TECTA: variants seen among roughly 807,000 people sequenced by gnomAD.
TECTA encodes tectorin alpha.
A neutral mutation model predicts 216.8 loss-of-function variants in TECTA; 128 were observed. The observed-to-expected ratio is 0.59, with a 90% confidence interval of 0.51 to 0.68. The LOEUF is 0.68. TECTA is among the 30% of genes least tolerant of loss of function. TECTA has a pLI of 0.00. For synonymous variants in TECTA, 1,089 were observed against 1,117.1 expected (o/e 0.97, Z 0.50); for missense variants, 2,551 against 2,786.2 (o/e 0.92, Z 1.90).
intron 7 of TECTA, among the ~76,000 whole-genome samples, chr11:121,124,840 C>T (rs1045653969): frequency 6.6e-6 from 1 of 152,118 alleles, no homozygotes; most frequent in African/African-American, 2.4e-5. Flanking sequence ...CAGCAGTGGA[C>T]CCAGCACACA....
chr11:121,163,619 A>G (rs1363533072), intron 16 of TECTA, among the ~76,000 whole-genome samples: 1 of 152,228 alleles, frequency 6.6e-6, no homozygotes, highest in African/African-American at 2.4e-5. Flanking sequence ...AAGAAGAATA[A>G]GAATACTTTC....
At chr11:121,122,734 T>C (rs974359762) in intron 7 of TECTA, among the ~76,000 whole-genome samples, 2 of 145,364 alleles carry the variant, frequency 1.4e-5, no homozygotes, top group Non-Finnish European at 3.0e-5. Flanking sequence ...GCACCTGTAG[T>C]CCCAGCTACT....
chr11:121,122,771 G>A (rs1176423655), intron 7 of TECTA, among the ~76,000 whole-genome samples: 1 of 151,570 alleles, frequency 6.6e-6, no homozygotes, highest in African/African-American at 2.4e-5. Context: ...GAGGATCACT[G>A]GAGCCAGAGA....
At chr11:121,156,468 C>T (rs1193902804) in intron 13 of TECTA, among the ~76,000 whole-genome samples, 2 of 152,058 alleles carry the variant, frequency 1.3e-5, no homozygotes, top group African/African-American at 4.8e-5. Context: ...CTCAGCCTAC[C>T]GAGTGGCTGG....
chr11:121,137,606 C>T lies in TECTA; in HGVS notation c.3127C>T (p.His1043Tyr). 6.2e-7 allele frequency: 1 copy of T among 1,613,946 alleles called. No homozygotes were observed. Among genetic ancestry groups the T allele is most frequent in the Non-Finnish European group, 8.5e-7 (1 of 1,180,004 alleles). Residue 1043 changes from histidine to tyrosine, a missense_variant, in exon 11 of 24, where the codon CAC becomes TAC. Coordinates refer to ENST00000392793, the MANE Select transcript of TECTA (RefSeq NM_005422.4). ...TGAGTGTGGCTGCAACTTTGAGGGGCACCAACTTGCCACCAATGAGACCTT... is the reference window on the plus strand; with the variant it reads ...TGAGTGTGGCTGCAACTTTGAGGGGTACCAACTTGCCACCAATGAGACCTT... ...RSECGCNFEG[H>Y]QLATNETFWV...
At chr11:121,189,989 G>T (rs1315801464) in intron 23 of TECTA, 109 bp downstream of exon 23, 2 of 832,364 alleles carry the variant, frequency 2.4e-6, no homozygotes, top group Non-Finnish European at 4.1e-6. Flanking sequence ...ACTCTCCCTC[G>T]AAAACTCCAG....
intron 6 of TECTA, among the ~76,000 whole-genome samples, 198 bp from the exon 7 acceptor site, chr11:121,118,108 T>A (rs748403893): frequency 6.6e-6 from 1 of 152,200 alleles, no homozygotes; most frequent in Non-Finnish European, 1.5e-5. Flanking sequence ...ACCACGGAGC[T>A]GCTGAGTGAT....
rs1358104926 is a variant in TECTA at position 121,137,449 on chromosome 11, T to C, written c.2970T>C (p.Phe990=). The C allele has an allele frequency of 3.1e-6, 5 of 1,613,842 alleles. No homozygotes were observed. Among genetic ancestry groups the C allele is most frequent in the South Asian group, 1.1e-5 (1 of 91,084 alleles). Residue 990 remains phenylalanine, a synonymous_variant, in exon 11 of 24, where the codon TTT becomes TTC. Transcript: ENST00000392793. ...CPLECPENSH[F]EECITCTETC... ...TGGAGTGCCCAGAGAACAGCCACTTTGAGGAGTGCATCACATGTACAGAGA... is the reference window on the plus strand; with the variant it reads ...TGGAGTGCCCAGAGAACAGCCACTTCGAGGAGTGCATCACATGTACAGAGA...
intron 11 of TECTA, among the ~76,000 whole-genome samples, chr11:121,140,592 G>A (rs1565527877): frequency 6.6e-6 from 1 of 152,208 alleles, no homozygotes; most frequent in Non-Finnish European, 1.5e-5. Context: ...GTTCTGGAGG[G>A]TGTAAGTCCA....
At position 121,125,407 on chromosome 11, in the gene TECTA, G is replaced by C; in HGVS notation, c.1309G>C (p.Val437Leu). The change falls in exon 8 of 24, where the codon GTG becomes CTG. Residue 437 changes from valine to leucine, a missense_variant. Physicochemically the swap from Val to Leu is conservative, Grantham distance 32. This residue lies in a region of TECTA where 2,375 missense variants were observed against 2,563.9 expected (regional missense o/e 0.93). Transcript: ENST00000392793. ...TAVETDFGLL[V>L]TFDGQHYASI... ...CGTGGAAACAGATTTTGGGCTCTTAGTGACTTTTGATGGCCAGCACTACGC... is the reference window on the plus strand; with the variant it reads ...CGTGGAAACAGATTTTGGGCTCTTACTGACTTTTGATGGCCAGCACTACGC... 2.5e-6 allele frequency: 4 copies of C among 1,614,212 alleles called. No individual in the cohort carries two copies. Among genetic ancestry groups the C allele is most frequent in the Non-Finnish European group, 2.5e-6 (3 of 1,180,034 alleles).
intron 15 of TECTA, among the ~76,000 whole-genome samples, chr11:121,161,267 G>A: frequency 6.6e-6 from 1 of 152,004 alleles, no homozygotes; most frequent in Non-Finnish European, 1.5e-5. Context: ...CCTTTCCTAG[G>A]TAAAACAGAG....
rs553634565 is a variant in TECTA, at chr11:121,189,104, G to A, written c.6187G>A (p.Ala2063Thr). 1.2e-6 allele frequency: 2 copies of A among 1,614,116 alleles called. No homozygotes were observed. Among genetic ancestry groups the A allele is most frequent in the Admixed American group, 3.3e-5 (2 of 60,022 alleles). Residue 2063 changes from alanine to threonine, a missense_variant, in exon 22 of 24, where the codon GCC (alanine) becomes ACC (threonine). By Grantham distance (58) the Ala-to-Thr change is moderately conservative (BLOSUM62 0). Transcript: ENST00000392793. ...KITCPHNSRIATDYTKEPKEQ... is the reference protein window; with the variant it reads ...KITCPHNSRITTDYTKEPKEQ... ...GACTTGCCCACACAATTCCAGGATT[G>A]CCACAGATTACACAAAAGAGCCCAA...
chr11:121,116,811 C>G (rs1455778347), intron 6 of TECTA, among the ~76,000 whole-genome samples: 1 of 152,200 alleles, frequency 6.6e-6, no homozygotes, highest in African/African-American at 2.4e-5. Flanking sequence ...AAAGCAGGGC[C>G]TGGAAATGAT....
chr11:121,165,898 C>T (rs929083836), intron 17 of TECTA, among the ~76,000 whole-genome samples: 1 of 152,212 alleles, frequency 6.6e-6, no homozygotes, highest in Admixed American at 6.5e-5. Flanking sequence ...GGCAGAACTG[C>T]TTTGCCTTCC....
intron 16 of TECTA, 112 bp downstream of exon 16, chr11:121,162,482 T>A: frequency 2.2e-6 from 3 of 1,367,236 alleles, no homozygotes; most frequent in Non-Finnish European, 3.0e-6. Flanking sequence ...TACTCATAGA[T>A]CTGCTTCCAG....
At chr11:121,121,881 C>T (rs1478168740) in intron 7 of TECTA, among the ~76,000 whole-genome samples, 1 of 152,166 alleles carries the variant, frequency 6.6e-6, no homozygotes, top group Non-Finnish European at 1.5e-5. Context: ...CTTCCACTTA[C>T]CAGCACAGAA....
At position 121,125,783 on chromosome 11, in the gene TECTA, C is replaced by G. The variant is rs779401654; in HGVS notation, c.1685C>G (p.Thr562Arg). ...YDLCSVRDNG[T>R]LLCQAIQAYA... ...CTGTGCAGTGTGAGGGACAATGGCACGCTCCTCTGCCAAGCCATCCAGGCC... is the reference window on the plus strand; with the variant it reads ...CTGTGCAGTGTGAGGGACAATGGCAGGCTCCTCTGCCAAGCCATCCAGGCC... The change falls in exon 8 of 24, where the codon ACG becomes AGG. Residue 562 changes from threonine (T) to arginine (R), a missense_variant. Around this residue, in one of 3 missense-constraint regions of TECTA, gnomAD observed 2,375 missense variants for 2,563.9 expected, o/e 0.93. Coordinates refer to ENST00000392793, the MANE Select transcript of TECTA (RefSeq NM_005422.4). 6.2e-7 allele frequency: 1 copy of G among 1,614,148 alleles called. No individual in the cohort carries two copies. Among genetic ancestry groups the G allele is most frequent in the African/African-American group, 1.3e-5 (1 of 75,066 alleles).
chr11:121,168,798 G>C lies in TECTA; in HGVS notation c.5872G>C (p.Val1958Leu). ...TGAAGTAGTGTTGACGACTCGAGAT[G>C]TGCTGTATGTAGGGGTTTTTGTGGT... ...QGEVVLTTRD[V>L]LYVGVFVVGA... is the part of the protein sequence containing the mutation. The change falls in exon 20 of 24, where the codon GTG becomes CTG. Residue 1958 changes from valine (V) to leucine (L), a missense_variant. By Grantham distance (32) the Val-to-Leu change is conservative. Coordinates refer to ENST00000392793, the MANE Select transcript of TECTA (RefSeq NM_005422.4). 6.2e-7 allele frequency: 1 copy of C among 1,614,168 alleles called. No homozygotes were observed. The highest frequency in any genetic ancestry group is 1.1e-5 in the South Asian group (1 of 91,074).
intron 20 of TECTA, among the ~76,000 whole-genome samples, chr11:121,170,633 A>G (rs1184032585): frequency 2.0e-5 from 3 of 152,172 alleles, no homozygotes; most frequent in Admixed American, 1.3e-4. Flanking sequence ...CTGGCATGAC[A>G]TGATATCTCA....
Sources: gnomAD v4.1 joint callset for allele counts (sites outside exome capture counted in the v4.1 genomes callset) on GRCh38, gnomAD v4.1.1 for gene constraint, gnomAD v4.1.1 regional missense constraint, MANE v1.5 for transcripts, NCBI Gene and HGNC (gene_info 2026-07-23, HGNC 2026-07-21) for gene names.